Variants in NFKB1 observed in about 807,000 individuals in gnomAD.
NFKB1 encodes nuclear factor kappa B subunit 1.
In NFKB1, 9 loss-of-function variants were observed where a neutral mutation model predicts 105.1. That is an observed-to-expected ratio of 0.09 (90% CI 0.05 to 0.15). The LOEUF (loss-of-function observed/expected upper bound fraction) is 0.15, where lower values mean the gene tolerates loss of function less well. Ranked by LOEUF, NFKB1 falls within the 10% of genes least tolerant of loss-of-function variation. The pLI is 1.00. For synonymous variants in NFKB1, 440 were observed against 442.2 expected, an observed-to-expected ratio of 1.00 and a Z score of 0.06; for missense variants, 830 against 1,203.7, an observed-to-expected ratio of 0.69 and a Z score of 4.59.
At chr4:102,556,860 T>C (rs951481050) in intron 5 of NFKB1, among the ~76,000 whole-genome samples, 3 of 152,218 alleles carry the variant, frequency 2.0e-5, no homozygotes, top group Admixed American at 2.0e-4. Context: ...CAATTAATGT[T>C]AACCTTTACA....
chr4:102,595,238 C>CTG (rs1726510869), intron 13 of NFKB1, among the ~76,000 whole-genome samples: 1 of 152,110 alleles, frequency 6.6e-6, no homozygotes, highest in Non-Finnish European at 1.5e-5. Flanking sequence ...TGAAAAGAGA[C>CTG]AACAGAGACC....
intron 7 of NFKB1, chr4:102,577,954 T>C: frequency 2.0e-6 from 2 of 985,464 alleles, no homozygotes; most frequent in Non-Finnish European, 2.4e-6. Context: ...TGTCTCCGTT[T>C]TGCCTACAAA....
At position 102,607,141 on chromosome 4, in the gene NFKB1, G is replaced by C. The variant is rs369496420; in HGVS notation, c.1955-9G>C. On this transcript the variant is annotated splice_polypyrimidine_tract_variant and intron_variant, in intron 17 of 23. Transcript: ENST00000226574. ...CCATCCTGTGACTGTCCCTTTGCTT[G>C]GACTCTAGGTCTGAATGCCATTCAT... 1.5e-5 allele frequency: 24 copies of C among 1,613,968 alleles called. No individual in the cohort carries two copies. Among genetic ancestry groups the C allele is most frequent in the Non-Finnish European group, 1.9e-5 (23 of 1,179,994 alleles).
intron 3 of NFKB1, among the ~76,000 whole-genome samples, chr4:102,531,783 T>C (rs529564338): frequency 7.2e-5 from 11 of 152,290 alleles, no homozygotes; most frequent in South Asian, 4.1e-4. Flanking sequence ...TAAAGGAAAT[T>C]AAATCCTACA....
intron 5 of NFKB1, among the ~76,000 whole-genome samples, chr4:102,544,322 T>A (rs1282496183): frequency 3.3e-5 from 5 of 152,200 alleles, no homozygotes; most frequent in African/African-American, 1.2e-4. Flanking sequence ...TGAAGTGAAA[T>A]GCTTTATGTT....
rs141762292 is a variant in NFKB1 at position 102,569,345 on chromosome 4, T to C, written c.407+2210T>C. Among the ~76,000 whole-genome samples, 384 of 152,248 alleles carry C rather than the reference T, an allele frequency of 2.5e-3. 2 individuals are homozygous for C. The highest frequency in any genetic ancestry group is 8.6e-3 in the African/African-American group (357 of 41,572). Reference sequence around the variant, plus strand: ...ATGAGAGAGTTTCACTACAGAATCTTATCTTCAGGCTGTTTACATCTCCAG... The same window carrying C: ...ATGAGAGAGTTTCACTACAGAATCTCATCTTCAGGCTGTTTACATCTCCAG... On this transcript the variant is annotated intron_variant, in intron 6 of 23. Transcript: ENST00000226574.
At chr4:102,557,762 G>A (rs1290093168) in intron 5 of NFKB1, among the ~76,000 whole-genome samples, 2 of 152,164 alleles carry the variant, frequency 1.3e-5, no homozygotes, top group Non-Finnish European at 2.9e-5. Context: ...AGTACAAGGG[G>A]GTGTCTTGGA....
At position 102,591,471 on chromosome 4, in the gene NFKB1, G is replaced by A. The variant is rs140289297; in HGVS notation, c.1067-1954G>A. On this transcript the variant is annotated intron_variant, in intron 11 of 23. Transcript: ENST00000226574. ...TTCTCATTAGGAGTTAATGCAGCTG[G>A]TGACTTTAAATTGAAGCCAGTGCTC... Among the ~76,000 whole-genome samples the A allele has an allele frequency of 4.2e-3, 633 of 151,504 alleles. 2 individuals carry two copies. The highest frequency in any genetic ancestry group is 0.011 in the Admixed American group (167 of 15,232).
intron 8 of NFKB1, among the ~76,000 whole-genome samples, 178 bp downstream of exon 8, chr4:102,579,217 G>A (rs1725117387): frequency 6.6e-6 from 1 of 152,136 alleles, no homozygotes; most frequent in Non-Finnish European, 1.5e-5. Flanking sequence ...CAGGTTAAAT[G>A]AGGTATTTTA....
At chr4:102,586,190 AAG>A (rs1172572224) in intron 11 of NFKB1, among the ~76,000 whole-genome samples, 3 of 152,162 alleles carry the variant, frequency 2.0e-5, no homozygotes, top group African/African-American at 7.2e-5. Flanking sequence ...TGGTGGACTT[AAG>A]AGAGAGTGCA....
Position 102,577,037 on chromosome 4 carries a change from G to A in NFKB1, c.569G>A (p.Gly190Glu). Reference sequence around the variant, plus strand: ...GAAGGTGGAGGGGACCGGCAGCTGGGAGGTAAGCATCATTTTCCTGGCCTT... The same window carrying A: ...GAAGGTGGAGGGGACCGGCAGCTGGAAGGTAAGCATCATTTTCCTGGCCTT... The part of the protein sequence containing the change: ...QAEGGGDRQL[G>E]DREKELIRQA... The change falls in exon 7 of 24, where the codon GGA (glycine) becomes GAA (glutamate). Residue 190 changes from glycine to glutamate, a missense_variant and splice_region_variant. Physicochemically the swap from Gly to Glu is moderately conservative, Grantham distance 98. Around this residue, in one of 8 missense-constraint regions of NFKB1, gnomAD observed 80 missense variants for 122.6 expected, o/e 0.65. Coordinates refer to ENST00000226574, the MANE Select transcript of NFKB1 (RefSeq NM_003998.4). The A allele has an allele frequency of 6.2e-7, 1 of 1,608,464 alleles. No homozygotes were observed. Among genetic ancestry groups the A allele is most frequent in the Non-Finnish European group, 8.5e-7 (1 of 1,178,384 alleles).
rs144583753 is a variant in NFKB1 at position 102,593,017 on chromosome 4, C to T, written c.1067-408C>T. 3.9e-3 allele frequency among the ~76,000 whole-genome samples: 586 copies of T among 152,140 alleles called. 5 individuals carry two copies. Among genetic ancestry groups the T allele is most frequent in the African/African-American group, 0.014 (572 of 41,514 alleles). On this transcript the variant is annotated intron_variant, in intron 11 of 23. Transcript: ENST00000226574. ...ATTATGTCATGCTTTTTTTTATTTC[C>T]AGCATTTAGCTCATTGTAGATGCAT...
intron 23 of NFKB1, among the ~76,000 whole-genome samples, chr4:102,616,180 A>G (rs182882153): frequency 3.9e-4 from 59 of 152,362 alleles, no homozygotes; most frequent in African/African-American, 1.3e-3. Flanking sequence ...AAGGATTCTC[A>G]TAAACACAAG....
At chr4:102,543,168 C>T (rs1721858414) in intron 5 of NFKB1, among the ~76,000 whole-genome samples, 2 of 152,066 alleles carry the variant, frequency 1.3e-5, no homozygotes, top group South Asian at 2.1e-4. Context: ...GAAAGCCACG[C>T]GTGAAGTTTT....
chr4:102,536,390 G>A (rs2149126268), intron 4 of NFKB1, among the ~76,000 whole-genome samples: 1 of 152,200 alleles, frequency 6.6e-6, no homozygotes. Context: ...ACATTTGTGT[G>A]CATTAAGGAA....
intron 10 of NFKB1, among the ~76,000 whole-genome samples, chr4:102,583,824 A>G (rs1033910424): frequency 6.6e-6 from 1 of 152,180 alleles, no homozygotes; most frequent in Non-Finnish European, 1.5e-5. Context: ...AACAATCCAG[A>G]TATTCATCAG....
At chr4:102,548,017 G>A (rs931016762) in intron 5 of NFKB1, among the ~76,000 whole-genome samples, 6 of 152,058 alleles carry the variant, frequency 3.9e-5, no homozygotes, top group Admixed American at 3.3e-4. Context: ...TTATGATAGA[G>A]AGCACCCCTT....
At chr4:102,538,074 C>A in intron 5 of NFKB1, 118 bp downstream of exon 5, 1 of 506,028 alleles carries the variant, frequency 2.0e-6, no homozygotes. Context: ...GAAGTGTTCA[C>A]ATGATTATTA....
At chr4:102,612,011 T>G (rs752623005) in intron 20 of NFKB1, 33 bp from the exon 21 acceptor site, 2 of 1,576,728 alleles carry the variant, frequency 1.3e-6, no homozygotes, top group Admixed American at 3.3e-5. Flanking sequence ...CCCTTCGATG[T>G]ATAACGATTT....
Sources: gnomAD v4.1 joint callset for allele counts (sites outside exome capture counted in the v4.1 genomes callset) on GRCh38, gnomAD v4.1.1 for gene constraint, gnomAD v4.1.1 regional missense constraint, MANE v1.5 for transcripts, NCBI Gene and HGNC (gene_info 2026-07-23, HGNC 2026-07-21) for gene names.